The following SLC16A14 variants were observed in gnomAD, a reference collection of about 807,000 sequenced individuals.
The protein encoded by SLC16A14 is solute carrier family 16 member 14, also known as monocarboxylate transporter 14.
In SLC16A14, 14 loss-of-function variants were observed where a neutral mutation model predicts 35.8. The observed-to-expected ratio is 0.39, with a 90% CI of 0.26 to 0.61. The LOEUF is 0.61. Ranked by LOEUF, SLC16A14 falls within the 20% of genes least tolerant of loss-of-function variation. SLC16A14 has a pLI of 0.51. For missense variants in SLC16A14, 533 were observed against 655.0 expected, an observed-to-expected ratio of 0.81 and a Z score of 2.03; for synonymous variants, 248 against 258.9, an observed-to-expected ratio of 0.96 and a Z score of 0.40.
At chr2:230,040,738 C>A (rs1403502172) in intron 4 of SLC16A14, among the ~76,000 whole-genome samples, 1 of 152,136 alleles carries the variant, frequency 6.6e-6, no homozygotes, top group Non-Finnish European at 1.5e-5. Flanking sequence ...TAGGTTTTCT[C>A]CAATCCACCT....
chr2:230,058,697 A>G (rs1577398360), intron 2 of SLC16A14, among the ~76,000 whole-genome samples: 1 of 152,162 alleles, frequency 6.6e-6, no homozygotes, highest in African/African-American at 2.4e-5. Flanking sequence ...CAATGGCACA[A>G]TCTCAGCTCA....
At chr2:230,058,555 G>T (rs376062482) in intron 2 of SLC16A14, among the ~76,000 whole-genome samples, 2 of 152,234 alleles carry the variant, frequency 1.3e-5, no homozygotes, top group Middle Eastern at 3.4e-3. Flanking sequence ...ATGAAAAAAA[G>T]TTCTAAAGAT....
intron 4 of SLC16A14, among the ~76,000 whole-genome samples, chr2:230,044,704 TTGTGTGTGTGTG>T (rs751868776): frequency 3.0e-5 from 4 of 132,542 alleles, no homozygotes; most frequent in East Asian, 2.3e-4. Context: ...AAGTCTGTAT[TTGTGTGTGTGTG>T]TGTGTGTGTG....
chr2:230,044,702 A>ATT (rs2077587240), intron 4 of SLC16A14, among the ~76,000 whole-genome samples: 10 of 103,650 alleles, frequency 9.6e-5, no homozygotes, highest in Non-Finnish European at 1.4e-4. Context: ...ATAAGTCTGT[A>ATT]TTTGTGTGTG....
At chr2:230,044,435 G>A (rs1484245425) in intron 4 of SLC16A14, among the ~76,000 whole-genome samples, 14 of 148,392 alleles carry the variant, frequency 9.4e-5, no homozygotes, top group Admixed American at 8.2e-4. Flanking sequence ...CTGAGATCAC[G>A]CCACTGCACT....
At chr2:230,050,285 A>G (rs1164128906) in intron 2 of SLC16A14, among the ~76,000 whole-genome samples, 4 of 152,246 alleles carry the variant, frequency 2.6e-5, no homozygotes, top group Non-Finnish European at 1.5e-5. Flanking sequence ...CAAAAAGTCC[A>G]GTGGCAACAC....
chr2:230,055,147 T>C (rs2077694599), intron 2 of SLC16A14, among the ~76,000 whole-genome samples: 1 of 152,236 alleles, frequency 6.6e-6, no homozygotes, highest in Admixed American at 6.5e-5. Context: ...AGTTACTTAA[T>C]GTCTCTGAGT....
intron 2 of SLC16A14, among the ~76,000 whole-genome samples, chr2:230,055,290 G>A (rs927002470): frequency 6.6e-6 from 1 of 152,184 alleles, no homozygotes; most frequent in Admixed American, 6.5e-5. Flanking sequence ...GTTACTGCGC[G>A]TTTCTGGCTT....
intron 3 of SLC16A14, among the ~76,000 whole-genome samples, chr2:230,047,820 C>G (rs2077622101): frequency 6.6e-6 from 1 of 152,164 alleles, no homozygotes; most frequent in Non-Finnish European, 1.5e-5. Context: ...ATCAGAACAT[C>G]ACATTTGACT....
chr2:230,050,572 G>T (rs1409959759), intron 2 of SLC16A14, among the ~76,000 whole-genome samples: 2 of 152,194 alleles, frequency 1.3e-5, no homozygotes, highest in African/African-American at 2.4e-5. Context: ...ATGCTTCAAG[G>T]ATACAGAAGT....
chr2:230,046,534 C>T lies in SLC16A14; in HGVS notation c.592G>A (p.Val198Ile). Residue 198 changes from valine to isoleucine, a missense_variant, in exon 4 of 5, where the codon GTT (valine) becomes ATT (isoleucine). Physicochemically the swap from Val to Ile is conservative, Grantham distance 29. Transcript: ENST00000295190. The surrounding 1 kb of genome is among the most constrained non-coding windows in gnomAD (Gnocchi z 5.0). ...WRNAMLIQGA[V>I]SLNLCVCGAL... The stretch of plus-strand genomic sequence containing the variant: ...CCACAAACACACAGGTTTAGGGAAA[C>T]GGCACCTTGGATCAACATGGCATTC... 6.2e-7 allele frequency: 1 copy of T among 1,614,194 alleles called. No individual in the cohort carries two copies. Among genetic ancestry groups the T allele is most frequent in the East Asian group, 2.2e-5 (1 of 44,864 alleles).
At chr2:230,041,627 G>A (rs1304238757) in intron 4 of SLC16A14, among the ~76,000 whole-genome samples, 2 of 152,126 alleles carry the variant, frequency 1.3e-5, no homozygotes, top group South Asian at 4.1e-4. Context: ...ACCGCACCCA[G>A]CCTATATTAC....
chr2:230,044,355 G>C (rs1160815583), intron 4 of SLC16A14, among the ~76,000 whole-genome samples: 2 of 151,834 alleles, frequency 1.3e-5, no homozygotes, highest in Non-Finnish European at 2.9e-5. Context: ...GCGCACACCT[G>C]TAATCCCAGC....
intron 1 of SLC16A14, chr2:230,066,749 C>T: frequency 2.6e-6 from 1 of 379,220 alleles, no homozygotes; most frequent in South Asian, 1.9e-5. Context: ...ATTCTCCTGC[C>T]TCAGCCTCCC....
rs753500082 is a variant in SLC16A14, at chr2:230,045,914, C to T, written c.1212G>A (p.Thr404=). 5.0e-6 allele frequency: 8 copies of T among 1,612,340 alleles called. No individual in the cohort carries two copies. The highest frequency in any genetic ancestry group is 1.7e-4 in the Middle Eastern group (1 of 6,056). ...LSIFILPLMH[T]YAGLAVICAL... ...CACAGATGACCGCCAGGCCAGCGTA[C>T]GTGTGCATCAACGGCAGAATAAAAA... The change falls in exon 4 of 5, where the codon ACG becomes ACA. Residue 404 remains threonine (T), a synonymous_variant. Coordinates refer to ENST00000295190, the MANE Select transcript of SLC16A14 (RefSeq NM_152527.5).
At chr2:230,065,616 G>A (rs1577403785) in intron 1 of SLC16A14, among the ~76,000 whole-genome samples, 1 of 152,126 alleles carries the variant, frequency 6.6e-6, no homozygotes, top group South Asian at 2.1e-4. Context: ...GGAGTCAGTT[G>A]TATTTCACAC....
intron 4 of SLC16A14, among the ~76,000 whole-genome samples, chr2:230,042,953 T>C (rs2077572446): frequency 6.6e-6 from 1 of 152,190 alleles, no homozygotes; most frequent in Non-Finnish European, 1.5e-5. Context: ...CAAGAGGATG[T>C]CTGAGACGTT....
rs1288816916 is a variant in SLC16A14, at chr2:230,035,179, A to G, written c.*2201T>C. On this transcript the variant is annotated 3_prime_UTR_variant, in exon 5 of 5. Transcript: ENST00000295190. ...CTTTTACTCTGTTGTCAACATGAATACTGCAAGCAGGTCTTTATTTTTTTT... is the reference window on the plus strand; with the variant it reads ...CTTTTACTCTGTTGTCAACATGAATGCTGCAAGCAGGTCTTTATTTTTTTT... 6.6e-6 allele frequency: 1 copy of G among 152,288 alleles called. No individual in the cohort carries two copies. The highest frequency in any genetic ancestry group is 1.9e-4 in the East Asian group (1 of 5,204). The allele number at this position is 152,288 out of a possible 1,614,324, so 9.4% of individuals were successfully genotyped here.
Position 230,045,818 on chromosome 2 carries a change from T to G in SLC16A14, c.1308A>C (p.Glu436Asp), listed in dbSNP as rs1388555562. The G allele has an allele frequency of 1.9e-6, 3 of 1,614,014 alleles. No individual in the cohort carries two copies. Among genetic ancestry groups the G allele is most frequent in the Non-Finnish European group, 2.5e-6 (3 of 1,180,030 alleles). The change falls in exon 4 of 5, where the codon GAA becomes GAC. Residue 436 changes from glutamate (E) to aspartate (D), a missense_variant. Physicochemically the swap from Glu to Asp is conservative, Grantham distance 45. Transcript: ENST00000295190. ...TGATGCCGTAGGCATTGGCCAGGTG[T>G]TCAATGCCAACCAAGTCTTCAGTCA... ...PVVTEDLVGI[E>D]HLANAYGIII...
Sources: gnomAD v4.1 joint callset for allele counts (sites outside exome capture counted in the v4.1 genomes callset) on GRCh38, gnomAD v4.1.1 for gene constraint, Gnocchi (gnomAD v3.1) non-coding constraint, MANE v1.5 for transcripts, NCBI Gene and HGNC (gene_info 2026-07-23, HGNC 2026-07-21) for gene names.